The following CNTNAP2 variants were observed in gnomAD, a reference collection of about 807,000 sequenced individuals.
CNTNAP2 encodes contactin-associated protein-like 2.
In CNTNAP2, 98 loss-of-function variants were observed where a neutral mutation model predicts 155.2. The observed-to-expected ratio is 0.63, with a 90% confidence interval of 0.54 to 0.75. The LOEUF (loss-of-function observed/expected upper bound fraction) is 0.75, where lower values mean the gene tolerates loss of function less well. Ranked by LOEUF, CNTNAP2 falls within the 30% of genes least tolerant of loss-of-function variation. The pLI, the probability that CNTNAP2 is intolerant of heterozygous loss-of-function variation, is 0.00. For missense variants in CNTNAP2, 1,727 were observed against 1,688.1 expected (o/e 1.02, Z -0.40); for synonymous variants, 651 against 631.2 (o/e 1.03, Z -0.47).
intron 12 of CNTNAP2, among the ~76,000 whole-genome samples, chr7:147,571,938 ATCT>A (rs1202957640): frequency 6.6e-6 from 1 of 152,178 alleles, no homozygotes; most frequent in Non-Finnish European, 1.5e-5. Flanking sequence ...TTTCAGACAC[ATCT>A]TCTCCTCTTT....
In CNTNAP2 at chr7:147,121,122, C is replaced by T. The variant is rs577870607; in HGVS notation, c.898C>T (p.Arg300Cys). The change falls in exon 6 of 24, where the codon CGT (arginine) becomes TGT (cysteine). Residue 300 changes from arginine to cysteine, a missense_variant. Coordinates refer to ENST00000361727, the MANE Select transcript of CNTNAP2 (RefSeq NM_014141.6). ...TCTGGACAGGAGCATGCAGCACTTC[C>T]GTACCAATGGAGAGTTTGACTACCT... ...LTLDRSMQHF[R>C]TNGEFDYLDL... 25 of 1,613,936 alleles carry T rather than the reference C, an allele frequency of 1.5e-5. No homozygotes were observed. Among genetic ancestry groups the T allele is most frequent in the Admixed American group, 1.2e-4 (7 of 59,988 alleles).
chr7:146,463,790 A>G (rs931440642), intron 1 of CNTNAP2, among the ~76,000 whole-genome samples: 5 of 152,124 alleles, frequency 3.3e-5, no homozygotes, highest in Non-Finnish European at 7.4e-5. Context: ...AGATTCTAAT[A>G]TAGTGTTAAC....
chr7:147,456,412 A>G (rs531127880), intron 10 of CNTNAP2, among the ~76,000 whole-genome samples: 11 of 152,320 alleles, frequency 7.2e-5, no homozygotes, highest in Admixed American at 6.5e-4. Flanking sequence ...ACTTTAACAT[A>G]CAGAAATCAC....
chr7:147,212,024 A>C (rs1217839912), intron 8 of CNTNAP2, among the ~76,000 whole-genome samples: 2 of 152,160 alleles, frequency 1.3e-5, no homozygotes, highest in Non-Finnish European at 2.9e-5. Flanking sequence ...CATCAGAGAA[A>C]TGCAAATCAA....
intron 13 of CNTNAP2, among the ~76,000 whole-genome samples, chr7:147,850,140 T>C (rs879728895): frequency 3.3e-5 from 5 of 152,184 alleles, no homozygotes; most frequent in Admixed American, 3.3e-4. Flanking sequence ...CAAATGCTTT[T>C]TGGTAAAAAT....
At chr7:146,378,795 G>A (rs1002640948) in intron 1 of CNTNAP2, among the ~76,000 whole-genome samples, 4 of 152,196 alleles carry the variant, frequency 2.6e-5, no homozygotes, top group Non-Finnish European at 4.4e-5. Context: ...AAATGAAGGA[G>A]TAAACTTTCT....
chr7:147,313,229 G>T (rs1213731881), intron 9 of CNTNAP2, among the ~76,000 whole-genome samples: 1 of 152,056 alleles, frequency 6.6e-6, no homozygotes, highest in Non-Finnish European at 1.5e-5. Flanking sequence ...CCACTCTGCT[G>T]GTAGTTTCTT....
At chr7:147,102,941 A>G (rs1360069354) in intron 4 of CNTNAP2, among the ~76,000 whole-genome samples, 3 of 152,190 alleles carry the variant, frequency 2.0e-5, no homozygotes, top group Non-Finnish European at 4.4e-5. Context: ...CCCCAAAAGT[A>G]ACCTAATGTT....
At chr7:148,065,672 G>A (rs1803243514) in intron 15 of CNTNAP2, among the ~76,000 whole-genome samples, 2 of 152,082 alleles carry the variant, frequency 1.3e-5, no homozygotes, top group African/African-American at 4.8e-5. Flanking sequence ...TTACATTTAT[G>A]TGAGTCCTTA....
chr7:146,753,242 T>G (rs1801936315), intron 1 of CNTNAP2, among the ~76,000 whole-genome samples: 1 of 151,858 alleles, frequency 6.6e-6, no homozygotes, highest in African/African-American at 2.4e-5. Flanking sequence ...CTGATTTATT[T>G]TTTTCAGTCA....
chr7:147,863,685 G>C (rs1158289065), intron 13 of CNTNAP2, among the ~76,000 whole-genome samples: 1 of 152,130 alleles, frequency 6.6e-6, no homozygotes, highest in African/African-American at 2.4e-5. Flanking sequence ...GGTCAGTGAT[G>C]ATGAGCATTT....
intron 3 of CNTNAP2, among the ~76,000 whole-genome samples, chr7:146,958,599 G>C (rs1233448279): frequency 6.6e-6 from 1 of 151,554 alleles, no homozygotes; most frequent in East Asian, 2.0e-4. Flanking sequence ...ATTTTTAGTG[G>C]AGACGGGGTT....
intron 13 of CNTNAP2, among the ~76,000 whole-genome samples, chr7:147,875,062 T>A (rs1799399758): frequency 6.6e-6 from 1 of 152,226 alleles, no homozygotes; most frequent in South Asian, 2.1e-4. Context: ...CTTTCCTACA[T>A]CGTCCTGTCT....
chr7:146,501,433 G>A (rs802022), intron 1 of CNTNAP2, among the ~76,000 whole-genome samples: 48,069 of 151,742 alleles, frequency 0.32, 8,281 homozygotes, highest in East Asian at 0.46. Flanking sequence ...TCTTCTTGAG[G>A]CAGTTTTGTT....
chr7:147,358,616 A>C (rs1051927243), intron 9 of CNTNAP2, among the ~76,000 whole-genome samples: 4 of 152,128 alleles, frequency 2.6e-5, no homozygotes, highest in Non-Finnish European at 5.9e-5. Context: ...TATTAGTATC[A>C]GTCAATTCCA....
chr7:146,409,394 T>C (rs556828998), intron 1 of CNTNAP2, among the ~76,000 whole-genome samples: 16 of 152,260 alleles, frequency 1.1e-4, no homozygotes, highest in Middle Eastern at 6.8e-3. Context: ...AATTAAGTAA[T>C]TTTTTAGTTT....
rs190088861 is a variant in CNTNAP2 at position 146,356,210 on chromosome 7, G to A, written c.97+239237G>A. ...CGCAAACCGTACATTGTTGTTTAAA[G>A]TTCTTCAATAAGAGATTCTAGGCTT... On this transcript the variant is annotated intron_variant, in intron 1 of 23. Coordinates refer to ENST00000361727, the MANE Select transcript of CNTNAP2 (RefSeq NM_014141.6). Among the ~76,000 whole-genome samples the A allele has an allele frequency of 2.6e-3, 403 of 152,182 alleles. 2 individuals carry two copies. Among genetic ancestry groups the A allele is most frequent in the African/African-American group, 9.3e-3 (385 of 41,526 alleles).
At chr7:148,240,188 A>T (rs1796119712) in intron 20 of CNTNAP2, among the ~76,000 whole-genome samples, 1 of 152,218 alleles carries the variant, frequency 6.6e-6, no homozygotes, top group South Asian at 2.1e-4. Context: ...TATAAAAGAA[A>T]TTTGGATAGA....
chr7:147,384,130 A>G (rs1000391676), intron 9 of CNTNAP2, among the ~76,000 whole-genome samples: 2 of 152,202 alleles, frequency 1.3e-5, no homozygotes, highest in African/African-American at 4.8e-5. Flanking sequence ...CCTGAGATGC[A>G]TAGAGAAGAG....
Sources: allele counts gnomAD v4.1 joint callset (sites outside exome capture counted in the v4.1 genomes callset), GRCh38; gene constraint gnomAD v4.1.1; transcripts MANE v1.5; gene names NCBI Gene and HGNC (gene_info 2026-07-23, HGNC 2026-07-21).